WWOX: variants seen among roughly 807,000 people sequenced by gnomAD.
WWOX encodes the protein WW domain containing oxidoreductase.
WWOX carries 69 observed loss-of-function variants against 46.2 expected under a neutral mutation model. The observed-to-expected ratio is 1.49, with a 90% CI of 1.23 to 1.82. WWOX has a LOEUF of 1.82. Ranked by LOEUF, WWOX falls within the 40% of genes most tolerant of loss-of-function variation. WWOX has a pLI of 0.00. For synonymous variants in WWOX, 359 were observed against 202.6 expected (o/e 1.77, Z -6.56); for missense variants, 919 against 542.6 (o/e 1.69, Z -6.89).
intron 8 of WWOX, among the ~76,000 whole-genome samples, chr16:78,587,748 A>G (rs1267374131): frequency 1.3e-5 from 2 of 152,032 alleles, no homozygotes; most frequent in African/African-American, 4.8e-5. Context: ...GGATATAGAC[A>G]TTTGTTGGCC....
chr16:78,116,446 G>A (rs933859252), intron 4 of WWOX, among the ~76,000 whole-genome samples: 4 of 152,130 alleles, frequency 2.6e-5, no homozygotes, highest in Admixed American at 2.6e-4. Flanking sequence ...TTTTTTTACT[G>A]TACTTGCCTA....
intron 5 of WWOX, chr16:78,355,518 C>T (rs933371040): frequency 7.9e-6 from 3 of 378,252 alleles, no homozygotes; most frequent in Non-Finnish European, 1.6e-5. Flanking sequence ...CGAAGAATTA[C>T]TTGATGAAAC....
intron 8 of WWOX, among the ~76,000 whole-genome samples, chr16:78,508,792 G>T (rs544909813): frequency 6.6e-6 from 1 of 152,318 alleles, no homozygotes; most frequent in South Asian, 2.1e-4. Flanking sequence ...CCACAGGGCT[G>T]ATCTGGTGGC....
intron 8 of WWOX, among the ~76,000 whole-genome samples, chr16:78,724,970 C>A (rs2048790738): frequency 6.6e-6 from 1 of 152,114 alleles, no homozygotes; most frequent in South Asian, 2.1e-4. Flanking sequence ...TGCATTAATG[C>A]ACTTTATTGG....
At chr16:79,104,559 C>T (rs570993117) in intron 8 of WWOX, among the ~76,000 whole-genome samples, 42 of 152,208 alleles carry the variant, frequency 2.8e-4, no homozygotes, top group African/African-American at 1.0e-3. Flanking sequence ...AAATTATGTA[C>T]GGTTAAGTAT....
At chr16:79,207,115 C>T (rs1039514394) in intron 8 of WWOX, among the ~76,000 whole-genome samples, 1 of 152,136 alleles carries the variant, frequency 6.6e-6, no homozygotes, top group African/African-American at 2.4e-5. Flanking sequence ...GTGTAGACGG[C>T]CATCTATTCC....
chr16:78,756,288 C>T (rs1038976747), intron 8 of WWOX, among the ~76,000 whole-genome samples: 20 of 151,664 alleles, frequency 1.3e-4, no homozygotes, highest in African/African-American at 4.6e-4. Context: ...TGTTCACTGT[C>T]AAAACTGGGT....
chr16:78,107,650 C>G (rs2032235385), intron 1 of WWOX, among the ~76,000 whole-genome samples: 1 of 152,092 alleles, frequency 6.6e-6, no homozygotes, highest in African/African-American at 2.4e-5. Context: ...CTTAATGAAA[C>G]ACTTTGAAGT....
chr16:79,025,260 G>C (rs2047615139), intron 8 of WWOX, among the ~76,000 whole-genome samples: 1 of 152,202 alleles, frequency 6.6e-6, no homozygotes, highest in Non-Finnish European at 1.5e-5. Flanking sequence ...CTGGGAAGGA[G>C]CTGTCCATAA....
At chr16:78,638,625 T>C (rs950753728) in intron 8 of WWOX, among the ~76,000 whole-genome samples, 4 of 152,156 alleles carry the variant, frequency 2.6e-5, no homozygotes, top group Non-Finnish European at 5.9e-5. Context: ...CTTCTGACTT[T>C]TCCATGGTGC....
intron 8 of WWOX, among the ~76,000 whole-genome samples, chr16:78,778,719 G>T (rs2142545462): frequency 6.6e-6 from 1 of 152,252 alleles, no homozygotes; most frequent in South Asian, 2.1e-4. Context: ...TTTGCAGATT[G>T]GCCTGAAGGA....
intron 5 of WWOX, among the ~76,000 whole-genome samples, chr16:78,245,910 A>C (rs2037801344): frequency 6.6e-6 from 1 of 152,198 alleles, no homozygotes; most frequent in Admixed American, 6.5e-5. Flanking sequence ...AAAGGAGAAC[A>C]AAGAGGGGGA....
intron 8 of WWOX, among the ~76,000 whole-genome samples, chr16:78,866,433 G>A (rs1340912624): frequency 2.3e-5 from 3 of 132,930 alleles, no homozygotes; most frequent in East Asian, 2.1e-4. Flanking sequence ...AAGACATCCC[G>A]TGCTATTTTT....
At chr16:78,683,637 C>G (rs1437054546) in intron 8 of WWOX, among the ~76,000 whole-genome samples, 2 of 152,118 alleles carry the variant, frequency 1.3e-5, no homozygotes, top group Non-Finnish European at 2.9e-5. Flanking sequence ...CCTGGGTTCA[C>G]GTGATCCTCC....
chr16:78,992,186 G>A (rs747353543), intron 8 of WWOX, among the ~76,000 whole-genome samples: 31 of 152,198 alleles, frequency 2.0e-4, no homozygotes, highest in Non-Finnish European at 3.4e-4. Flanking sequence ...ACATTGGGCC[G>A]TGAGCTCCAA....
chr16:78,968,169 C>T lies in WWOX; in HGVS notation c.1057-243439C>T, dbSNP rs567230758. 2.0e-3 allele frequency among the ~76,000 whole-genome samples: 308 copies of T among 151,106 alleles called. 2 individuals carry two copies. Among genetic ancestry groups the T allele is most frequent in the African/African-American group, 6.9e-3 (285 of 41,148 alleles). ...AGCGCGTGGTCCGCGTGGCACAGCG[C>T]GTGGTCTGCGTGGCACAGTGCGTGG... On this transcript the variant is annotated intron_variant, in intron 8 of 8. Coordinates refer to ENST00000566780, the MANE Select transcript of WWOX (RefSeq NM_016373.4).
At chr16:78,560,208 C>CT (rs1452172677) in intron 8 of WWOX, among the ~76,000 whole-genome samples, 2 of 152,108 alleles carry the variant, frequency 1.3e-5, no homozygotes, top group Non-Finnish European at 2.9e-5. Context: ...AAACAGGTAC[C>CT]TTTTGTGGAA....
intron 8 of WWOX, among the ~76,000 whole-genome samples, chr16:79,075,856 A>C (rs12600154): frequency 0.41 from 62,201 of 152,010 alleles, 13,110 homozygotes; most frequent in East Asian, 0.75. Flanking sequence ...TCTCAAAAAA[A>C]CATATTAAGT....
chr16:78,460,568 CTGTT>C (rs1264766087), intron 8 of WWOX, among the ~76,000 whole-genome samples: 2 of 152,180 alleles, frequency 1.3e-5, no homozygotes, highest in Non-Finnish European at 2.9e-5. Context: ...CCACAGATGC[CTGTT>C]TGTTTTGCAG....
Sources: allele counts gnomAD v4.1 joint callset (sites outside exome capture counted in the v4.1 genomes callset), GRCh38; gene constraint gnomAD v4.1.1; transcripts MANE v1.5; gene names NCBI Gene and HGNC (gene_info 2026-07-23, HGNC 2026-07-21).